The following HS6ST3 variants were observed in gnomAD, a reference collection of about 807,000 sequenced individuals.
The protein encoded by HS6ST3 is heparan sulfate 6-O-sulfotransferase 3.
A neutral mutation model predicts 36.7 loss-of-function variants in HS6ST3; 12 were observed. The ratio of observed to expected loss-of-function variants is 0.33; its 90% CI spans 0.21 to 0.53. HS6ST3 has a LOEUF of 0.53. HS6ST3 is among the 20% of genes least tolerant of loss of function. HS6ST3 has a pLI of 0.95. For missense variants in HS6ST3, 584 were observed against 640.9 expected (o/e 0.91, Z 0.96); for synonymous variants, 240 against 257.5 (o/e 0.93, Z 0.65).
rs146851768 is a variant in HS6ST3, at chr13:96,783,406, C to T, written c.708-49084C>T. 7.0e-4 allele frequency among the ~76,000 whole-genome samples: 107 copies of T among 152,184 alleles called. 2 individuals carry two copies. Among genetic ancestry groups the T allele is most frequent in the African/African-American group, 2.2e-3 (93 of 41,528 alleles). On this transcript the variant is annotated intron_variant, in intron 1 of 1. Transcript: ENST00000376705. ...ATCCAGTGTTTTAGTGTTTCATAAC[C>T]GCAGAAATCTCTGCTACTTCCTTAC...
intron 1 of HS6ST3, among the ~76,000 whole-genome samples, chr13:96,115,003 A>T (rs964178664): frequency 2.6e-5 from 4 of 152,172 alleles, no homozygotes; most frequent in African/African-American, 9.7e-5. Context: ...GTCCAAGTTT[A>T]GGTAACCATA....
chr13:96,527,867 T>C (rs529346682), intron 1 of HS6ST3, among the ~76,000 whole-genome samples: 3 of 152,302 alleles, frequency 2.0e-5, no homozygotes, highest in Admixed American at 1.3e-4. Context: ...CCCAAGACTG[T>C]CAGGGGTGTC....
At chr13:96,561,523 A>G (rs1226478725) in intron 1 of HS6ST3, among the ~76,000 whole-genome samples, 1 of 152,164 alleles carries the variant, frequency 6.6e-6, no homozygotes, top group Non-Finnish European at 1.5e-5. Context: ...AATAAAAACA[A>G]AAATTGACAA....
Position 96,759,162 on chromosome 13 carries a change from A to C in HS6ST3, c.708-73328A>C, listed in dbSNP as rs1368690337. Reference sequence around the variant, plus strand: ...ATGGTAAATCACTTTCCCTCTTTTTAATCCATCTGCGACTTATACTTATTA... The same window carrying C: ...ATGGTAAATCACTTTCCCTCTTTTTCATCCATCTGCGACTTATACTTATTA... On this transcript the variant is annotated intron_variant, in intron 1 of 1. Coordinates refer to ENST00000376705, the MANE Select transcript of HS6ST3 (RefSeq NM_153456.4). Among the ~76,000 whole-genome samples, 4 of 151,808 alleles carry C rather than the reference A, an allele frequency of 2.6e-5. No individual in the cohort carries two copies. The East Asian group carries it at 7.7e-4, about 29-fold the overall frequency.
intron 1 of HS6ST3, among the ~76,000 whole-genome samples, chr13:96,244,554 C>T (rs1412039123): frequency 6.6e-6 from 1 of 152,126 alleles, no homozygotes; most frequent in African/African-American, 2.4e-5. Flanking sequence ...ATCAGAAATG[C>T]TTAATCCTAT....
intron 1 of HS6ST3, among the ~76,000 whole-genome samples, chr13:96,502,173 A>T (rs553501856): frequency 4.7e-4 from 72 of 152,166 alleles, no homozygotes; most frequent in Non-Finnish European, 9.3e-4. Flanking sequence ...GTTCCTGACC[A>T]GATTGGAGAT....
At chr13:96,242,635 C>T (rs755655547) in intron 1 of HS6ST3, among the ~76,000 whole-genome samples, 9 of 151,314 alleles carry the variant, frequency 5.9e-5, no homozygotes, top group Admixed American at 3.3e-4. Flanking sequence ...GCATATGAAA[C>T]GATTTCTTTT....
chr13:96,418,121 G>T (rs1304473447), intron 1 of HS6ST3, among the ~76,000 whole-genome samples: 1 of 152,134 alleles, frequency 6.6e-6, no homozygotes, highest in Non-Finnish European at 1.5e-5. Flanking sequence ...CATGGTGCTT[G>T]AGACCATTTT....
At chr13:96,553,823 G>T (rs1160951849) in intron 1 of HS6ST3, among the ~76,000 whole-genome samples, 1 of 152,198 alleles carries the variant, frequency 6.6e-6, no homozygotes, top group Non-Finnish European at 1.5e-5. Context: ...AGGAAGAAAA[G>T]CATGTCAGAA....
At chr13:96,777,415 A>G (rs755149316) in intron 1 of HS6ST3, among the ~76,000 whole-genome samples, 2 of 152,218 alleles carry the variant, frequency 1.3e-5, no homozygotes, top group African/African-American at 2.4e-5. Flanking sequence ...ACTTGATTGT[A>G]TATGTAGAAA....
intron 1 of HS6ST3, among the ~76,000 whole-genome samples, chr13:96,714,851 G>T (rs1265251206): frequency 6.6e-6 from 1 of 151,900 alleles, no homozygotes; most frequent in African/African-American, 2.4e-5. Context: ...GCTGCACACC[G>T]CCATGCCCAG....
At chr13:96,156,810 A>ATGAG (rs2054112715) in intron 1 of HS6ST3, among the ~76,000 whole-genome samples, 1 of 152,172 alleles carries the variant, frequency 6.6e-6, no homozygotes, top group Non-Finnish European at 1.5e-5. Context: ...TTCAGTAATT[A>ATGAG]CATGAGAAAA....
At chr13:96,593,434 GATCCACCCACCTTTGTC>G (rs2138977100) in intron 1 of HS6ST3, among the ~76,000 whole-genome samples, 1 of 151,360 alleles carries the variant, frequency 6.6e-6, no homozygotes, top group Admixed American at 6.6e-5. Context: ...GACCTCAAGT[GATCCACCCACCTTTGTC>G]TCCCAAAGTG....
At chr13:96,163,432 T>C (rs1037637015) in intron 1 of HS6ST3, among the ~76,000 whole-genome samples, 1 of 151,982 alleles carries the variant, frequency 6.6e-6, no homozygotes, top group African/African-American at 2.4e-5. Context: ...GGTTTCACCG[T>C]ATTAGCTAGC....
chr13:96,550,806 A>G (rs1355871390), intron 1 of HS6ST3, among the ~76,000 whole-genome samples: 1 of 152,116 alleles, frequency 6.6e-6, no homozygotes, highest in Non-Finnish European at 1.5e-5. Context: ...GTTTATGTTA[A>G]TTTCTTTTCA....
intron 1 of HS6ST3, among the ~76,000 whole-genome samples, chr13:96,306,928 T>C (rs1305857552): frequency 2.6e-5 from 4 of 152,228 alleles, no homozygotes; most frequent in Non-Finnish European, 5.9e-5. Flanking sequence ...CTGGAGCTGA[T>C]CCTGGATTGG....
At chr13:96,119,831 G>A (rs1410196202) in intron 1 of HS6ST3, among the ~76,000 whole-genome samples, 1 of 143,922 alleles carries the variant, frequency 6.9e-6, no homozygotes, top group African/African-American at 2.6e-5. Context: ...ATTGCCTTAC[G>A]ATTAAAATTA....
intron 1 of HS6ST3, among the ~76,000 whole-genome samples, chr13:96,504,286 C>A (rs1248224044): frequency 5.3e-5 from 8 of 152,154 alleles, no homozygotes; most frequent in African/African-American, 1.9e-4. Flanking sequence ...TGACTCCAAA[C>A]AGTACAACTC....
chr13:96,345,249 A>G (rs1412569380), intron 1 of HS6ST3, among the ~76,000 whole-genome samples: 1 of 152,178 alleles, frequency 6.6e-6, no homozygotes, highest in Admixed American at 6.5e-5. Context: ...TGAGAAGTAC[A>G]ATTGCTTAGA....
Sources: allele counts gnomAD v4.1 joint callset (sites outside exome capture counted in the v4.1 genomes callset), GRCh38; gene constraint gnomAD v4.1.1; transcripts MANE v1.5; gene names NCBI Gene and HGNC (gene_info 2026-07-23, HGNC 2026-07-21).